The following CHRM2 variants were observed in gnomAD, a reference collection of about 807,000 sequenced individuals.
The protein encoded by CHRM2 is muscarinic acetylcholine receptor M2.
CHRM2 carries 8 observed loss-of-function variants against 25.0 expected under a neutral mutation model. The observed-to-expected ratio is 0.32, with a 90% confidence interval of 0.19 to 0.58. The LOEUF (loss-of-function observed/expected upper bound fraction) is 0.58. CHRM2 is among the 20% of genes least tolerant of loss of function. CHRM2 has a pLI of 0.88. For missense variants in CHRM2, 440 were observed against 567.1 expected (o/e 0.78, Z 2.28); for synonymous variants, 202 against 205.7 (o/e 0.98, Z 0.15).
At chr7:136,948,558 A>C (rs1554423111) in intron 2 of CHRM2, among the ~76,000 whole-genome samples, 1 of 152,172 alleles carries the variant, frequency 6.6e-6, no homozygotes, top group Non-Finnish European at 1.5e-5. Flanking sequence ...GAAGTGTGGA[A>C]GAGTATCATG....
chr7:136,964,280 C>T (rs999851185), intron 2 of CHRM2, among the ~76,000 whole-genome samples: 1 of 151,792 alleles, frequency 6.6e-6, no homozygotes, highest in African/African-American at 2.4e-5. Context: ...ACAACACATC[C>T]ATATATTATT....
At chr7:136,996,759 G>C (rs187565098) in intron 3 of CHRM2, among the ~76,000 whole-genome samples, 8 of 152,074 alleles carry the variant, frequency 5.3e-5, no homozygotes, top group African/African-American at 1.7e-4. Context: ...AGATGTTTTC[G>C]AATGTCATAG....
intron 2 of CHRM2, among the ~76,000 whole-genome samples, chr7:136,950,737 G>T (rs1800357886): frequency 6.6e-6 from 1 of 152,156 alleles, no homozygotes; most frequent in Non-Finnish European, 1.5e-5. Flanking sequence ...TCTGAACCAG[G>T]ACTGAACAAG....
At chr7:136,992,563 G>A (rs146283304) in intron 3 of CHRM2, among the ~76,000 whole-genome samples, 5 of 152,206 alleles carry the variant, frequency 3.3e-5, no homozygotes, top group South Asian at 2.1e-4. Context: ...CCGTAAGCAC[G>A]TGACTTAATA....
At chr7:136,918,059 G>A (rs1335419353) in intron 2 of CHRM2, among the ~76,000 whole-genome samples, 3 of 152,024 alleles carry the variant, frequency 2.0e-5, no homozygotes, top group Non-Finnish European at 4.4e-5. Flanking sequence ...AGGTTTTAAG[G>A]AATGGGGAAA....
intron 2 of CHRM2, among the ~76,000 whole-genome samples, chr7:136,919,586 C>G (rs1584756108): frequency 3.9e-5 from 6 of 152,128 alleles, no homozygotes; most frequent in Admixed American, 3.3e-4. Context: ...AATCATGTTT[C>G]TACTTACCAC....
At chr7:136,929,944 CAAATG>C (rs1265170621) in intron 2 of CHRM2, among the ~76,000 whole-genome samples, 2 of 151,628 alleles carry the variant, frequency 1.3e-5, no homozygotes, top group African/African-American at 4.8e-5. Flanking sequence ...AAATAATAAC[CAAATG>C]AAATGAAATG....
chr7:136,896,174 C>G (rs555078304), intron 2 of CHRM2, among the ~76,000 whole-genome samples: 1 of 152,022 alleles, frequency 6.6e-6, no homozygotes, highest in South Asian at 2.1e-4. Context: ...CATTCATCTG[C>G]GCTCCAGTCT....
chr7:136,899,872 T>C (rs1797104070), intron 2 of CHRM2: 3 of 152,094 alleles, frequency 2.0e-5, no homozygotes, highest in African/African-American at 7.2e-5. Flanking sequence ...TGATAAACCA[T>C]AGATATGAAT....
chr7:137,003,778 T>C (rs574752679), intron 3 of CHRM2, among the ~76,000 whole-genome samples: 2 of 152,260 alleles, frequency 1.3e-5, no homozygotes, highest in South Asian at 4.1e-4. Context: ...TTTTGAATTG[T>C]AGTTCCCATA....
chr7:136,975,709 T>G (rs943492008), intron 2 of CHRM2, among the ~76,000 whole-genome samples: 5 of 152,240 alleles, frequency 3.3e-5, no homozygotes, highest in African/African-American at 4.8e-5. Context: ...CCATTTATTT[T>G]ATCTCTTCCT....
chr7:136,889,047 C>CAAAAAAAAAAAA (rs56915229), intron 2 of CHRM2, among the ~76,000 whole-genome samples: 1 of 66,494 alleles, frequency 1.5e-5, no homozygotes, highest in African/African-American at 6.8e-5. Flanking sequence ...GACTACATCT[C>CAAAAAAAAAAAA]AAAAAAAAAA....
chr7:136,988,049 ATATT>A (rs1482731494), intron 2 of CHRM2, among the ~76,000 whole-genome samples: 8 of 150,672 alleles, frequency 5.3e-5, no homozygotes, highest in African/African-American at 1.2e-4. Context: ...TATGTATAAT[ATATT>A]TATTTACATA....
intron 2 of CHRM2, among the ~76,000 whole-genome samples, chr7:136,877,559 G>A (rs1796096610): frequency 6.6e-6 from 1 of 151,578 alleles, no homozygotes; most frequent in South Asian, 2.1e-4. Context: ...GCTGGATCAA[G>A]CACCTGGACT....
chr7:136,910,565 A>G (rs1409607126), intron 2 of CHRM2, among the ~76,000 whole-genome samples: 1 of 151,910 alleles, frequency 6.6e-6, no homozygotes, highest in African/African-American at 2.4e-5. Context: ...AAAGTTTTCC[A>G]TATTTATTAA....
intron 3 of CHRM2, among the ~76,000 whole-genome samples, chr7:137,013,758 T>C (rs1804980090): frequency 6.6e-6 from 1 of 152,042 alleles, no homozygotes; most frequent in African/African-American, 2.4e-5. Context: ...GGTTTAATAA[T>C]TGCTTCTTCA....
chr7:136,883,303 A>T (rs1796337594), intron 2 of CHRM2, among the ~76,000 whole-genome samples: 1 of 152,164 alleles, frequency 6.6e-6, no homozygotes, highest in East Asian at 1.9e-4. Flanking sequence ...AGTTTCAGGC[A>T]GTACAAAGTA....
chr7:136,999,066 T>G (rs1352879596), intron 3 of CHRM2, among the ~76,000 whole-genome samples: 1 of 152,196 alleles, frequency 6.6e-6, no homozygotes, highest in Non-Finnish European at 1.5e-5. Flanking sequence ...TTTATTTAAT[T>G]TAGTCATGAA....
intron 2 of CHRM2, chr7:136,872,113 G>C (rs12538445): frequency 0.13 from 19,999 of 152,142 alleles, 1,469 homozygotes; most frequent in Non-Finnish European, 0.17. Context: ...GGTGGGAATG[G>C]GGGAAAGTTT....
Sources: allele counts gnomAD v4.1 joint callset (sites outside exome capture counted in the v4.1 genomes callset), GRCh38; gene constraint gnomAD v4.1.1; transcripts MANE v1.5; gene names NCBI Gene and HGNC (gene_info 2026-07-23, HGNC 2026-07-21).